WDFY3: variants seen among roughly 807,000 people sequenced by gnomAD.
The protein encoded by WDFY3 is WD repeat and FYVE domain containing 3.
Under a neutral mutation model 409.6 loss-of-function variants are expected in WDFY3, and 66 were observed. That is an observed-to-expected ratio of 0.16 (90% CI 0.13 to 0.20). The LOEUF (loss-of-function observed/expected upper bound fraction) is 0.20, where lower values mean the gene tolerates loss of function less well. Among genes scored for constraint, WDFY3 ranks in the 10% least tolerant of loss-of-function variants. The probability of loss-of-function intolerance (pLI) is 1.00; values close to 1 mark genes in which losing one functional copy is unlikely to be tolerated. For missense variants in WDFY3, 3,031 were observed against 4,298.1 expected, an observed-to-expected ratio of 0.71 and a Z score of 8.24; for synonymous variants, 1,521 against 1,537.1, an observed-to-expected ratio of 0.99 and a Z score of 0.25.
At chr4:84,962,360 A>G (rs1228320640) in intron 1 of WDFY3, among the ~76,000 whole-genome samples, 1 of 152,180 alleles carries the variant, frequency 6.6e-6, no homozygotes, top group Non-Finnish European at 1.5e-5. Flanking sequence ...CTTAATAAAT[A>G]TCAAGCATTA....
At chr4:84,825,160 CATT>C (rs1165520302) in intron 10 of WDFY3, among the ~76,000 whole-genome samples, 1 of 152,006 alleles carries the variant, frequency 6.6e-6, no homozygotes, top group Admixed American at 6.6e-5. Flanking sequence ...AATTTTGCTG[CATT>C]ATTACAAAAT....
rs1738857624 is a variant in WDFY3, at chr4:84,743,805, C to T, written c.5974-6G>A. 2 of 1,551,948 alleles carry T rather than the reference C, an allele frequency of 1.3e-6. No individual in the cohort carries two copies. The highest frequency in any genetic ancestry group is 1.7e-6 in the Non-Finnish European group (2 of 1,147,132). ...GTAGACCTTTCAGGGGAAGCCTAATCAAGAAAATTTAGAATTAGAAACAGA... is the reference window on the plus strand; with the variant it reads ...GTAGACCTTTCAGGGGAAGCCTAATTAAGAAAATTTAGAATTAGAAACAGA... On this transcript the variant is annotated splice_polypyrimidine_tract_variant and splice_region_variant and intron_variant, in intron 36 of 67. Transcript: ENST00000295888.
chr4:84,965,048 AT>A (rs954229578), intron 1 of WDFY3, among the ~76,000 whole-genome samples: 4 of 152,008 alleles, frequency 2.6e-5, no homozygotes, highest in Admixed American at 6.5e-5. Context: ...ATAAAGTTTT[AT>A]TTTTTTTAAA....
In WDFY3 at chr4:84,782,571, T is replaced by C. The variant is rs937330149; in HGVS notation, c.4174+392A>G. On this transcript the variant is annotated intron_variant, in intron 25 of 67. Transcript: ENST00000295888. ...TCCCCTGACAGGCCCTGGTATGTGA[T>C]GTTCCCGTCCCTGTGTCCGTATGTT... 6.6e-5 allele frequency among the ~76,000 whole-genome samples: 10 copies of C among 152,308 alleles called. No homozygotes were observed. The East Asian group carries it at 1.4e-3, about 21-fold the overall frequency.
chr4:84,764,008 A>C (rs575867713), intron 32 of WDFY3, among the ~76,000 whole-genome samples: 1 of 152,336 alleles, frequency 6.6e-6, no homozygotes, highest in South Asian at 2.1e-4. Context: ...AGAGAAATTA[A>C]TCCTTACTTT....
chr4:84,806,952 A>G (rs2149699612), intron 15 of WDFY3, among the ~76,000 whole-genome samples: 1 of 152,128 alleles, frequency 6.6e-6, no homozygotes, highest in East Asian at 1.9e-4. Context: ...GTGTATTTTT[A>G]TTTTGTGGCA....
rs781440189 is a variant in WDFY3, at chr4:84,850,926, C to CTTTTTTTTTTT, written c.181-902_181-901insAAAAAAAAAAA. On this transcript the variant is annotated intron_variant, in intron 4 of 67. Coordinates refer to ENST00000295888, the MANE Select transcript of WDFY3 (RefSeq NM_014991.6). ...AATTCTTATTTTTAATTTTATTTAT[C>CTTTTTTTTTTT]TGTTTTTTTTTTTTTTTTTTTTTTT... Among the ~76,000 whole-genome samples the CTTTTTTTTTTT allele has an allele frequency of 2.3e-3, 74 of 32,142 alleles. 3 individuals carry two copies. Among genetic ancestry groups the CTTTTTTTTTTT allele is most frequent in the African/African-American group, 3.3e-3 (27 of 8,236 alleles). The allele number at this position is 32,142 out of a possible 152,430, so 21.1% of individuals were successfully genotyped here. A position where few individuals can be genotyped will look rare whatever the true frequency, so the allele number is the denominator to read the frequency against.
At position 84,909,113 on chromosome 4, in the gene WDFY3, TG is replaced by T. The variant is rs1303419742; in HGVS notation, c.-131-12104del. Among the ~76,000 whole-genome samples, 3 of 152,026 alleles carry T rather than the reference TG, an allele frequency of 2.0e-5. No homozygotes were observed. In the East Asian group the frequency reaches 5.8e-4, roughly 29 times the overall value. On this transcript the variant is annotated intron_variant, in intron 2 of 67. Coordinates refer to ENST00000295888, the MANE Select transcript of WDFY3 (RefSeq NM_014991.6). ...ATAATACAGGGATAGAGTAAATGCA[TG>T]GGAATGTAATAAAACAAGATGGGCC...
chr4:84,830,417 C>T (rs1170299417), intron 8 of WDFY3, among the ~76,000 whole-genome samples: 1 of 152,130 alleles, frequency 6.6e-6, no homozygotes, highest in African/African-American at 2.4e-5. Context: ...TATAGGCTAA[C>T]ATAAGTGTTC....
chr4:84,800,061 T>C (rs1036138092), intron 17 of WDFY3, among the ~76,000 whole-genome samples: 2 of 152,178 alleles, frequency 1.3e-5, no homozygotes, highest in African/African-American at 4.8e-5. Context: ...CAATGCTATT[T>C]TCAAAACTTT....
At chr4:84,818,635 TCCTTTCATTACCTGAAGG>T (rs2149802279) in intron 12 of WDFY3, among the ~76,000 whole-genome samples, 1 of 152,268 alleles carries the variant, frequency 6.6e-6, no homozygotes, top group African/African-American at 2.4e-5. Flanking sequence ...ATTTGTGACA[TCCTTTCATTACCTGAAGG>T]CCTGTTTAGT....
At chr4:84,779,418 G>A (rs1240223010) in intron 26 of WDFY3, among the ~76,000 whole-genome samples, 10 of 150,632 alleles carry the variant, frequency 6.6e-5, no homozygotes, top group African/African-American at 2.2e-4. Context: ...ATACATAAAT[G>A]CTGCTTTTTT....
chr4:84,792,884 C>T (rs1330614167), intron 21 of WDFY3, among the ~76,000 whole-genome samples: 1 of 152,092 alleles, frequency 6.6e-6, no homozygotes, highest in Non-Finnish European at 1.5e-5. Flanking sequence ...ATCTGCATGC[C>T]TAATACATTC....
intron 58 of WDFY3, among the ~76,000 whole-genome samples, chr4:84,695,509 T>TAGAGATAG (rs1729964825): frequency 3.7e-5 from 4 of 107,288 alleles, no homozygotes; most frequent in Non-Finnish European, 7.6e-5. Flanking sequence ...CAGAGAGAGA[T>TAGAGATAG]AGAGAGAGAG....
intron 10 of WDFY3, among the ~76,000 whole-genome samples, chr4:84,826,545 A>G (rs1026262947): frequency 2.6e-5 from 4 of 152,334 alleles, no homozygotes; most frequent in Non-Finnish European, 4.4e-5. Flanking sequence ...GCATGTTTTG[A>G]TTAAATTGTT....
rs114850898 is a variant in WDFY3, at chr4:84,732,820, A to G, written c.7221+562T>C. On this transcript the variant is annotated intron_variant, in intron 44 of 67. Transcript: ENST00000295888. ...TGATGCTAAGCTCTATATTAGCATC[A>G]GGACTGGGGTTAAACCAATCAGTAC... is the stretch of plus-strand genomic sequence containing the variant. 4.7e-3 allele frequency among the ~76,000 whole-genome samples: 720 copies of G among 152,278 alleles called. 7 individuals are homozygous for G. The highest frequency in any genetic ancestry group is 0.017 in the African/African-American group (698 of 41,564).
chr4:84,838,968 C>T (rs778627406), intron 6 of WDFY3, among the ~76,000 whole-genome samples: 53 of 152,144 alleles, frequency 3.5e-4, no homozygotes, highest in Non-Finnish European at 2.1e-4. Flanking sequence ...TGTAACACTG[C>T]TACCAGCAGA....
chr4:84,913,269 T>C (rs534501362), intron 2 of WDFY3, among the ~76,000 whole-genome samples: 11 of 152,232 alleles, frequency 7.2e-5, no homozygotes, highest in Non-Finnish European at 2.9e-5. Context: ...CATGAAAGTC[T>C]AGAAAAATGA....
At chr4:84,837,209 T>A in intron 6 of WDFY3, 119 bp from the exon 7 acceptor site, 1 of 854,402 alleles carries the variant, frequency 1.2e-6, no homozygotes, top group Non-Finnish European at 1.6e-6. Flanking sequence ...AAAATGCATG[T>A]AAGAATTTAA....
Sources: gnomAD v4.1 joint callset for allele counts (sites outside exome capture counted in the v4.1 genomes callset) on GRCh38, gnomAD v4.1.1 for gene constraint, MANE v1.5 for transcripts, NCBI Gene and HGNC (gene_info 2026-07-23, HGNC 2026-07-21) for gene names.